Variants in KANK1 observed in about 807,000 individuals in gnomAD.
KANK1 encodes KN motif and ankyrin repeat domain-containing protein 1.
A neutral mutation model predicts 106.2 loss-of-function variants in KANK1; 109 were observed. The observed-to-expected ratio is 1.03, with a 90% CI of 0.88 to 1.20. The LOEUF (loss-of-function observed/expected upper bound fraction) is 1.20. Ranked by LOEUF, KANK1 falls within the 50% of genes most tolerant of loss-of-function variation. The pLI, the probability that KANK1 is intolerant of heterozygous loss-of-function variation, is 0.00. For missense variants in KANK1, 2,399 were observed against 1,710.7 expected (o/e 1.40, Z -7.10); for synonymous variants, 873 against 652.2 (o/e 1.34, Z -5.16).
chr9:707,529 T>G, intron 2 of KANK1, among the ~76,000 whole-genome samples: 1 of 115,036 alleles, frequency 8.7e-6, no homozygotes, highest in Non-Finnish European at 1.8e-5. Flanking sequence ...TAATGGAGTT[T>G]CAGACAGTCC....
chr9:648,194 G>A (rs976413274), intron 1 of KANK1, among the ~76,000 whole-genome samples: 1 of 143,150 alleles, frequency 7.0e-6, no homozygotes, highest in Non-Finnish European at 1.5e-5. Flanking sequence ...AGTAGAGACG[G>A]GGTGTCATCA....
chr9:600,341 T>C (rs1372671390), intron 1 of KANK1, among the ~76,000 whole-genome samples: 2 of 151,826 alleles, frequency 1.3e-5, no homozygotes, highest in African/African-American at 4.9e-5. Context: ...TCAAGGGTCA[T>C]CTATGTTGTA....
intron 3 of KANK1, among the ~76,000 whole-genome samples, chr9:491,829 T>C (rs1199092050): frequency 1.3e-5 from 2 of 152,218 alleles, no homozygotes; most frequent in Middle Eastern, 3.2e-3. Flanking sequence ...TTTCCCATGC[T>C]GTTCTTGTGA....
chr9:561,075 A>G (rs1816293014), intron 1 of KANK1, among the ~76,000 whole-genome samples: 1 of 152,162 alleles, frequency 6.6e-6, no homozygotes, highest in African/African-American at 2.4e-5. Context: ...CAAGTTCTAC[A>G]TTTTAAGAGG....
chr9:675,133 T>C (rs905796764), intron 1 of KANK1, among the ~76,000 whole-genome samples: 1 of 152,240 alleles, frequency 6.6e-6, no homozygotes, highest in African/African-American at 2.4e-5. Flanking sequence ...CGTTTAAATG[T>C]GTACATATAC....
At chr9:740,959 C>A (rs1564134734) in intron 9 of KANK1, 25 bp downstream of exon 9, 1 of 1,612,780 alleles carries the variant, frequency 6.2e-7, no homozygotes, top group Non-Finnish European at 8.5e-7. Context: ...TTCCTGTGCT[C>A]AGGAATGCAC....
At chr9:698,892 T>C (rs956392938) in intron 2 of KANK1, among the ~76,000 whole-genome samples, 1 of 152,142 alleles carries the variant, frequency 6.6e-6, no homozygotes, top group African/African-American at 2.4e-5. Context: ...ATCATTTCAC[T>C]CCCTTGTTTA....
Position 713,434 on chromosome 9 carries a change from T to C in KANK1, c.2668T>C (p.Phe890Leu). The change falls in exon 3 of 12, where the codon TTC becomes CTC. Residue 890 changes from phenylalanine (F) to leucine (L), a missense_variant. By Grantham distance (22) the Phe-to-Leu change is conservative (BLOSUM62 0). Coordinates refer to ENST00000382297, the MANE Select transcript of KANK1 (RefSeq NM_015158.5). ...CACTGAAGAGCTGAGGAACCCTGAC[T>C]TCCAGAAAACCAGTCTGGGTAAAAT... ...ASTEELRNPD[F>L]QKTSLGKITG... The C allele has an allele frequency of 6.2e-7, 1 of 1,601,408 alleles. No individual in the cohort carries two copies. The highest frequency in any genetic ancestry group is 8.5e-7 in the Non-Finnish European group (1 of 1,174,996).
At chr9:504,338 G>C (rs1359813066), upstream of KANK1, among the ~76,000 whole-genome samples, 1 of 151,756 alleles carries the variant, frequency 6.6e-6, no homozygotes, top group Non-Finnish European at 1.5e-5. Context: ...GCCGCGGCGA[G>C]GCCCGCGGGC....
intron 3 of KANK1, among the ~76,000 whole-genome samples, chr9:716,680 C>T (rs1827793779): frequency 6.6e-6 from 1 of 151,844 alleles, no homozygotes; most frequent in South Asian, 2.1e-4. Flanking sequence ...TTTCAGTATG[C>T]AAAAAAGTGT....
chr9:640,598 T>C (rs1214359735), intron 1 of KANK1, among the ~76,000 whole-genome samples: 1 of 152,044 alleles, frequency 6.6e-6, no homozygotes, highest in Middle Eastern at 3.2e-3. Flanking sequence ...GGTTTCATTA[T>C]GTTGGCCAGG....
intron 3 of KANK1, among the ~76,000 whole-genome samples, chr9:727,152 C>G (rs1354981102): frequency 6.6e-6 from 1 of 152,170 alleles, no homozygotes; most frequent in Non-Finnish European, 1.5e-5. Flanking sequence ...AGCAGACTGT[C>G]TGCCTCTTTT....
chr9:562,577 C>G (rs993298393), intron 1 of KANK1, among the ~76,000 whole-genome samples: 1 of 152,242 alleles, frequency 6.6e-6, no homozygotes, highest in Non-Finnish European at 1.5e-5. Context: ...GAGTAAGCCA[C>G]TGGGCCTCTC....
chr9:506,174 C>T (rs1216553758), intron 1 of KANK1, among the ~76,000 whole-genome samples: 1 of 152,162 alleles, frequency 6.6e-6, no homozygotes, highest in East Asian at 1.9e-4. Flanking sequence ...TTCCATCTCC[C>T]AGCCCTTCTC....
chr9:658,947 A>G (rs55842631), intron 1 of KANK1, among the ~76,000 whole-genome samples: 23,930 of 152,026 alleles, frequency 0.16, 2,064 homozygotes, highest in Admixed American at 0.18. Context: ...ATTCCTATAC[A>G]TCTGCATACC....
chr9:737,377 C>A lies in KANK1; in HGVS notation c.3334-908C>A, dbSNP rs539374467. ...ACTTCTTGGGTTCTGGTGCTTCTGA[C>A]ATAGGCTGTCTTTCTTTGATATATT... On this transcript the variant is annotated intron_variant, in intron 7 of 11. Coordinates refer to ENST00000382297, the MANE Select transcript of KANK1 (RefSeq NM_015158.5). Among the ~76,000 whole-genome samples the A allele has an allele frequency of 3.9e-5, 6 of 152,342 alleles. No individual in the cohort carries two copies. The East Asian group carries it at 1.2e-3, about 29-fold the overall frequency.
In KANK1 at chr9:580,681, C is replaced by G. The variant is rs574381807; in HGVS notation, c.-84+75927C>G. ...GACATAAAGGTTCTCCAAGTGCCCACTAGACTCAGGAGTCCAGCTGGCTTC... is the reference window on the plus strand; with the variant it reads ...GACATAAAGGTTCTCCAAGTGCCCAGTAGACTCAGGAGTCCAGCTGGCTTC... On this transcript the variant is annotated intron_variant, in intron 1 of 11. Coordinates refer to ENST00000382297, the MANE Select transcript of KANK1 (RefSeq NM_015158.5). Among the ~76,000 whole-genome samples the G allele has an allele frequency of 6.6e-5, 10 of 152,384 alleles. No homozygotes were observed. In the East Asian group the frequency reaches 1.7e-3, roughly 26 times the overall value.
chr9:513,727 T>G (rs1422115691), intron 1 of KANK1, among the ~76,000 whole-genome samples: 1 of 152,170 alleles, frequency 6.6e-6, no homozygotes, highest in Non-Finnish European at 1.5e-5. Flanking sequence ...CCCTTTGACC[T>G]TGGGAAAAAA....
chr9:647,078 A>G (rs1034054750), intron 1 of KANK1, among the ~76,000 whole-genome samples: 1 of 151,126 alleles, frequency 6.6e-6, no homozygotes, highest in African/African-American at 2.5e-5. Flanking sequence ...AGCCATCCCC[A>G]TGACTTTGTT....
Sources: gnomAD v4.1 joint callset for allele counts (sites outside exome capture counted in the v4.1 genomes callset) on GRCh38, gnomAD v4.1.1 for gene constraint, MANE v1.5 for transcripts, NCBI Gene and HGNC (gene_info 2026-07-23, HGNC 2026-07-21) for gene names.